The following WNT8A variants were observed in gnomAD, a reference collection of about 807,000 sequenced individuals.
WNT8A encodes the protein protein Wnt-8a.
WNT8A carries 14 observed loss-of-function variants against 20.5 expected under a neutral mutation model. The observed-to-expected ratio is 0.68, with a 90% CI of 0.45 to 1.07. The LOEUF is 1.07. WNT8A is among the 50% of genes least tolerant of loss of function. The pLI is 0.00. For synonymous variants in WNT8A, 167 were observed against 169.2 expected (o/e 0.99, Z 0.10); for missense variants, 397 against 462.9 (o/e 0.86, Z 1.31).
chr5:138,087,674 A>AT, intron 2 of WNT8A, 132 bp from the exon 3 acceptor site: 2 of 706,610 alleles, frequency 2.8e-6, no homozygotes, highest in Non-Finnish European at 4.1e-6. Flanking sequence ...AAAAAAAAAA[A>AT]GAAAGAAAAG....
rs528082347 is a variant in WNT8A, at chr5:138,084,514, C to A, written c.173C>A (p.Thr58Lys). The change falls in exon 2 of 5, where the codon ACG becomes AAG. Residue 58 changes from threonine to lysine, a missense_variant. Coordinates refer to ENST00000506684, the MANE Select transcript of WNT8A (RefSeq NM_001300939.2). The part of the protein sequence containing the change: ...ITGPKAYLTY[T>K]TSVALGAQSG... Reference sequence around the variant, plus strand: ...CTTTGCCAGGCCTATCTGACCTACACGACTAGTGTGGCCTTGGGTGCCCAG... The same window carrying A: ...CTTTGCCAGGCCTATCTGACCTACAAGACTAGTGTGGCCTTGGGTGCCCAG... 2 of 1,611,508 alleles carry A rather than the reference C, an allele frequency of 1.2e-6. No homozygotes were observed. The highest frequency in any genetic ancestry group is 8.5e-7 in the Non-Finnish European group (1 of 1,178,660).
At chr5:138,081,155 G>A (rs1021360352), upstream of WNT8A, among the ~76,000 whole-genome samples, 5 of 151,462 alleles carry the variant, frequency 3.3e-5, no homozygotes, top group Non-Finnish European at 7.4e-5. Flanking sequence ...GAACAAGGGA[G>A]GCGGAGCTTG....
chr5:138,088,919 G>T lies in WNT8A; in HGVS notation c.422-8G>T, dbSNP rs779865211. On this transcript the variant is annotated splice_region_variant and splice_polypyrimidine_tract_variant and intron_variant, in intron 3 of 4. Coordinates refer to ENST00000506684, the MANE Select transcript of WNT8A (RefSeq NM_001300939.2). Reference sequence around the variant, plus strand: ...TACACGGAGAACTTATTCTGTCCTTGTATATAGGAGGCCATGGCTGGATCT... The same window carrying T: ...TACACGGAGAACTTATTCTGTCCTTTTATATAGGAGGCCATGGCTGGATCT... 2 of 1,613,456 alleles carry T rather than the reference G, an allele frequency of 1.2e-6. No homozygotes were observed. The highest frequency in any genetic ancestry group is 1.7e-6 in the Non-Finnish European group (2 of 1,179,786).
intron 2 of WNT8A, among the ~76,000 whole-genome samples, chr5:138,084,945 T>C (rs1031619615): frequency 6.6e-6 from 1 of 152,194 alleles, no homozygotes; most frequent in Non-Finnish European, 1.5e-5. Context: ...TTTTTTTTTT[T>C]TCTTTTTTTG....
intron 2 of WNT8A, among the ~76,000 whole-genome samples, chr5:138,085,289 A>ATT (rs1750624378): frequency 6.6e-6 from 1 of 152,148 alleles, no homozygotes; most frequent in Non-Finnish European, 1.5e-5. Context: ...GTACACACTG[A>ATT]TCTTGCACTG....
Position 138,090,915 on chromosome 5 carries a change from C to T in WNT8A, c.952C>T (p.Gln318Ter). Residue 318 changes from glutamine to a stop codon, truncating the protein, a stop_gained, in exon 5 of 5, where the codon CAG becomes TAG. Coordinates refer to ENST00000506684, the MANE Select transcript of WNT8A (RefSeq NM_001300939.2). LOFTEE classifies it low-confidence loss of function (END_TRUNC). The stretch of plus-strand genomic sequence containing the variant: ...GCGCCTGTGCACTGAGTGTGGGCTG[C>T]AGGTGGAAGAGAGGAAAACTGAGGT... The part of the protein sequence containing the change: ...CGRLCTECGL[Q>*]VEERKTEVIS... 2 of 1,614,172 alleles carry T rather than the reference C, an allele frequency of 1.2e-6. No individual in the cohort carries two copies. Among genetic ancestry groups the T allele is most frequent in the Non-Finnish European group, 1.7e-6 (2 of 1,180,024 alleles).
At chr5:138,087,976 C>T in intron 3 of WNT8A, 45 bp downstream of exon 3, 2 of 1,608,108 alleles carry the variant, frequency 1.2e-6, no homozygotes, top group African/African-American at 1.3e-5. Context: ...TGAGGGGCTA[C>T]AGAGCTGAGT....
Position 138,089,109 on chromosome 5 carries a change from C to T in WNT8A, c.564+40C>T, listed in dbSNP as rs1490751454. On this transcript the variant is annotated intron_variant, in intron 4 of 4. Transcript: ENST00000506684. ...TGTGGCCAGTATTTCTACAGCTTCA[C>T]ATCTGCCCGGCCCTTCACAATTTAC... is the stretch of plus-strand genomic sequence containing the variant. The T allele has an allele frequency of 4.4e-6, 7 of 1,598,450 alleles. 1 individual carries two copies. Among genetic ancestry groups the T allele is most frequent in the Admixed American group, 1.7e-5 (1 of 58,624 alleles).
upstream of WNT8A, among the ~76,000 whole-genome samples, chr5:138,080,444 G>GTTTTTTTTTTTTTTTTTTTTTTTTTT (rs371833243): frequency 5.4e-5 from 3 of 55,994 alleles, no homozygotes; most frequent in African/African-American, 1.3e-4. Context: ...TGTAAATCTT[G>GTTTTTTTTTTTTTTTTTTTTTTTTTT]TTTTTTTTTT....
upstream of WNT8A, among the ~76,000 whole-genome samples, chr5:138,080,444 G>GTTTTTTTTTTTTTTTTTTTTTT (rs371833243): frequency 1.3e-4 from 7 of 55,994 alleles, no homozygotes; most frequent in Admixed American, 5.0e-4. Flanking sequence ...TGTAAATCTT[G>GTTTTTTTTTTTTTTTTTTTTTT]TTTTTTTTTT....
At chr5:138,088,796 C>T in intron 3 of WNT8A, 131 bp from the exon 4 acceptor site, 2 of 1,294,692 alleles carry the variant, frequency 1.5e-6, no homozygotes, top group Non-Finnish European at 2.1e-6. Context: ...CCCACCCACC[C>T]CAAGCACCTC....
At chr5:138,091,875 A>ATAAATAAC (rs374275479), downstream of WNT8A, among the ~76,000 whole-genome samples, 223 of 147,614 alleles carry the variant, frequency 1.5e-3, 10 homozygotes, top group Non-Finnish European at 1.6e-3. Flanking sequence ...AAATAAATAA[A>ATAAATAAC]TAATAAAGAG....
downstream of WNT8A, among the ~76,000 whole-genome samples, chr5:138,091,843 A>ACTGAGACCCTGAC (rs1750867323): frequency 8.0e-5 from 4 of 49,698 alleles, no homozygotes; most frequent in African/African-American, 1.6e-4. Flanking sequence ...AAATAAATAA[A>ACTGAGACCCTGAC]TAAATAAATA....
intron 2 of WNT8A, 56 bp from the exon 3 acceptor site, chr5:138,087,750 C>T: frequency 6.5e-7 from 1 of 1,546,098 alleles, no homozygotes; most frequent in Non-Finnish European, 8.8e-7. Flanking sequence ...TCCAAAGCCT[C>T]TGCTTTGGGT....
chr5:138,086,210 ATTTC>A (rs543916743), intron 2 of WNT8A, among the ~76,000 whole-genome samples: 9 of 151,714 alleles, frequency 5.9e-5, no homozygotes, highest in South Asian at 2.1e-4. Context: ...ATCATTCTTT[ATTTC>A]TTTCTTTCTT....
At position 138,090,958 on chromosome 5, in the gene WNT8A, G is replaced by A. The variant is rs1374405781; in HGVS notation, c.995G>A (p.Cys332Tyr). ...ACTGAGGTCATAAGCAGCTGTAACT[G>A]CAAATTCCAGTGGTGCTGTACGGTC... The part of the protein sequence containing the change: ...RKTEVISSCN[C>Y]KFQWCCTVKC... Residue 332 changes from cysteine (C) to tyrosine (Y), a missense_variant, in exon 5 of 5, where the codon TGC becomes TAC. Transcript: ENST00000506684. 1.2e-6 allele frequency: 2 copies of A among 1,614,238 alleles called. No individual in the cohort carries two copies. The highest frequency in any genetic ancestry group is 1.1e-5 in the South Asian group (1 of 91,088).
the WNT8A span, among the ~76,000 whole-genome samples, chr5:138,077,575 C>T: frequency 6.6e-6 from 1 of 152,160 alleles, no homozygotes; most frequent in African/African-American, 2.4e-5. Flanking sequence ...TCCAAACCTT[C>T]TTCTTTGACA....
chr5:138,085,922 T>C (rs1440535792), intron 2 of WNT8A, among the ~76,000 whole-genome samples: 2 of 143,538 alleles, frequency 1.4e-5, no homozygotes, highest in East Asian at 2.0e-4. Context: ...ACAGATAGAA[T>C]AGGGAGTATG....
chr5:138,082,606 A>G (rs1750535674), upstream of WNT8A, among the ~76,000 whole-genome samples: 1 of 151,172 alleles, frequency 6.6e-6, no homozygotes, highest in South Asian at 2.1e-4. Context: ...AAGGCTGGGT[A>G]TGGTGGCTCA....
Sources: allele counts gnomAD v4.1 joint callset (sites outside exome capture counted in the v4.1 genomes callset), GRCh38; gene constraint gnomAD v4.1.1; transcripts MANE v1.5; gene names NCBI Gene and HGNC (gene_info 2026-07-23, HGNC 2026-07-21).